The following CMTM8 variants were observed in gnomAD, a reference collection of about 807,000 sequenced individuals.
CMTM8 encodes CKLF like MARVEL transmembrane domain containing 8.
A neutral mutation model predicts 18.6 loss-of-function variants in CMTM8; 12 were observed. That is an observed-to-expected ratio of 0.65 (90% CI 0.41 to 1.05). The LOEUF (loss-of-function observed/expected upper bound fraction) is 1.05. Among genes scored for constraint, CMTM8 ranks in the 50% least tolerant of loss-of-function variants. CMTM8 has a pLI of 0.00. For synonymous variants in CMTM8, 87 were observed against 90.6 expected, an observed-to-expected ratio of 0.96 and a Z score of 0.23; for missense variants, 217 against 227.2, an observed-to-expected ratio of 0.95 and a Z score of 0.29.
At chr3:32,331,738 G>C (rs918170027) in intron 1 of CMTM8, among the ~76,000 whole-genome samples, 2 of 152,188 alleles carry the variant, frequency 1.3e-5, no homozygotes, top group Non-Finnish European at 2.9e-5. Context: ...GCTACACATG[G>C]ATAAACCTTG....
rs144209031 is a variant in CMTM8, at chr3:32,303,310, G to A, written c.148-54063G>A. On this transcript the variant is annotated intron_variant, in intron 1 of 3. Coordinates refer to ENST00000307526, the MANE Select transcript of CMTM8 (RefSeq NM_178868.5). ...TAATGCTTTGCTTGGAATTCATTTC[G>A]TATCTGCATAAATCTTCAAGGCCAT... Among the ~76,000 whole-genome samples, 433 of 152,168 alleles carry A rather than the reference G, an allele frequency of 2.8e-3. 2 individuals are homozygous for A. The highest frequency in any genetic ancestry group is 9.4e-3 in the African/African-American group (389 of 41,520).
intron 1 of CMTM8, among the ~76,000 whole-genome samples, chr3:32,285,403 T>C (rs900309996): frequency 2.6e-5 from 4 of 151,692 alleles, no homozygotes; most frequent in African/African-American, 9.7e-5. Context: ...TAATTTAAGC[T>C]ACTCAGAAGG....
At chr3:32,366,043 T>C (rs892962940) in intron 2 of CMTM8, among the ~76,000 whole-genome samples, 1 of 152,198 alleles carries the variant, frequency 6.6e-6, no homozygotes, top group Admixed American at 6.5e-5. Context: ...TTATTTTCAC[T>C]ACATTTCCTC....
At chr3:32,277,530 AT>A (rs1365483976) in intron 1 of CMTM8, among the ~76,000 whole-genome samples, 1 of 151,950 alleles carries the variant, frequency 6.6e-6, no homozygotes, top group Non-Finnish European at 1.5e-5. Context: ...GTGCCACCAC[AT>A]CTGGCTTATT....
At chr3:32,325,475 G>A (rs1020211906) in intron 1 of CMTM8, among the ~76,000 whole-genome samples, 11 of 152,254 alleles carry the variant, frequency 7.2e-5, no homozygotes, top group Non-Finnish European at 1.5e-4. Context: ...GAACAGAAAC[G>A]TCACAGTAGG....
intron 1 of CMTM8, among the ~76,000 whole-genome samples, chr3:32,286,190 A>G (rs1174525903): frequency 1.3e-5 from 2 of 152,242 alleles, no homozygotes; most frequent in African/African-American, 4.8e-5. Context: ...AAACGCAGCC[A>G]GAGACAATCG....
intron 1 of CMTM8, among the ~76,000 whole-genome samples, chr3:32,331,103 T>G (rs1003011178): frequency 6.6e-6 from 1 of 151,994 alleles, no homozygotes; most frequent in Non-Finnish European, 1.5e-5. Context: ...TATAAAGAAC[T>G]CCTACAACTC....
intron 2 of CMTM8, among the ~76,000 whole-genome samples, chr3:32,364,551 T>C (rs1468245527): frequency 2.6e-5 from 4 of 152,006 alleles, no homozygotes; most frequent in Non-Finnish European, 5.9e-5. Context: ...GGAAAAGATG[T>C]GTACAAGGCT....
At chr3:32,274,398 A>AT (rs566872542) in intron 1 of CMTM8, among the ~76,000 whole-genome samples, 99 of 152,276 alleles carry the variant, frequency 6.5e-4, no homozygotes, top group African/African-American at 2.3e-3. Context: ...AATTCCTTTA[A>AT]TTTTTTATTT....
At chr3:32,296,667 AG>A (rs1048256303) in intron 1 of CMTM8, among the ~76,000 whole-genome samples, 6 of 152,204 alleles carry the variant, frequency 3.9e-5, no homozygotes, top group Non-Finnish European at 8.8e-5. Context: ...TAAGTGCAAG[AG>A]CTCTGTTGAT....
chr3:32,272,891 C>G (rs1319776662), intron 1 of CMTM8, among the ~76,000 whole-genome samples: 1 of 152,092 alleles, frequency 6.6e-6, no homozygotes, highest in African/African-American at 2.4e-5. Context: ...TAAATGGGCC[C>G]TTTGCTTTGT....
intron 1 of CMTM8, among the ~76,000 whole-genome samples, chr3:32,336,591 A>T (rs148190255): frequency 0.011 from 1,647 of 152,372 alleles, 13 homozygotes; most frequent in South Asian, 0.028. Context: ...TGAGCGATGT[A>T]ACTGGTGATG....
intron 1 of CMTM8, among the ~76,000 whole-genome samples, chr3:32,262,344 G>A (rs993608112): frequency 3.3e-4 from 50 of 152,190 alleles, no homozygotes; most frequent in African/African-American, 9.9e-4. Context: ...TCTAGGATGG[G>A]TGTGTCTGCT....
chr3:32,273,480 C>A (rs1702472756), intron 1 of CMTM8, among the ~76,000 whole-genome samples: 1 of 151,972 alleles, frequency 6.6e-6, no homozygotes, highest in Non-Finnish European at 1.5e-5. Context: ...ACAGAATACC[C>A]GTACAATGGA....
At chr3:32,264,076 T>G (rs1032560679) in intron 1 of CMTM8, among the ~76,000 whole-genome samples, 32 of 152,124 alleles carry the variant, frequency 2.1e-4, no homozygotes, top group African/African-American at 7.5e-4. Context: ...CAGGCCAACA[T>G]TCAAATTCAG....
intron 1 of CMTM8, among the ~76,000 whole-genome samples, chr3:32,332,719 G>A (rs924302252): frequency 1.1e-4 from 16 of 152,260 alleles, no homozygotes; most frequent in African/African-American, 3.9e-4. Context: ...GGGGCCTCCT[G>A]TAAGAGGAGA....
chr3:32,360,963 T>A (rs1696911479), intron 2 of CMTM8, among the ~76,000 whole-genome samples: 1 of 152,126 alleles, frequency 6.6e-6, no homozygotes, highest in Non-Finnish European at 1.5e-5. Context: ...AACCTTTGGG[T>A]CAGATGTGAA....
At chr3:32,369,590 C>T (rs1165773603) in intron 3 of CMTM8, among the ~76,000 whole-genome samples, 1 of 152,146 alleles carries the variant, frequency 6.6e-6, no homozygotes, top group East Asian at 1.9e-4. Context: ...GCCTGTGCTA[C>T]ATTAGAAATG....
At chr3:32,279,181 T>TTC (rs1702567713) in intron 1 of CMTM8, among the ~76,000 whole-genome samples, 1 of 65,392 alleles carries the variant, frequency 1.5e-5, no homozygotes, top group South Asian at 4.7e-4. Context: ...TTTTTTTTAA[T>TTC]TTTTTTTTTA....
Sources: allele counts gnomAD v4.1 joint callset (sites outside exome capture counted in the v4.1 genomes callset), GRCh38; gene constraint gnomAD v4.1.1; transcripts MANE v1.5; gene names NCBI Gene and HGNC (gene_info 2026-07-23, HGNC 2026-07-21).